The following RYR2 variants were observed in gnomAD, a reference collection of about 807,000 sequenced individuals.
RYR2 encodes the protein cardiac muscle ryanodine receptor-calcium release channel.
A neutral mutation model predicts 601.1 loss-of-function variants in RYR2; 227 were observed. The ratio of observed to expected loss-of-function variants is 0.38; its 90% CI spans 0.34 to 0.42. The LOEUF is 0.42. Ranked by LOEUF, RYR2 falls within the 10% of genes least tolerant of loss-of-function variation. The pLI, the probability that RYR2 is intolerant of heterozygous loss-of-function variation, is 1.00. For missense variants in RYR2, 4,646 were observed against 6,156.5 expected, an observed-to-expected ratio of 0.75 and a Z score of 8.21; for synonymous variants, 2,223 against 2,175.1, an observed-to-expected ratio of 1.02 and a Z score of -0.61.
chr1:237,442,110 C>T (rs899981487), intron 13 of RYR2, among the ~76,000 whole-genome samples: 1 of 152,196 alleles, frequency 6.6e-6, no homozygotes, highest in Non-Finnish European at 1.5e-5. Flanking sequence ...GCCCATGCAC[C>T]TGCTAACTTG....
In RYR2 at chr1:237,733,212, A is replaced by C. The variant is rs560809286; in HGVS notation, c.11040-493A>C. The stretch of plus-strand genomic sequence containing the variant: ...GGTGGAAACTTTTCTTCACGTAGTC[A>C]TGGTTTCCATGCTTCTCAAAAAGAA... On this transcript the variant is annotated intron_variant, in intron 78 of 104. Coordinates refer to ENST00000366574, the MANE Select transcript of RYR2 (RefSeq NM_001035.3). 9.2e-5 allele frequency among the ~76,000 whole-genome samples: 14 copies of C among 152,314 alleles called. No homozygotes were observed. In the East Asian group the frequency reaches 2.7e-3, roughly 29 times the overall value.
At chr1:237,720,436 A>T (rs1045716553) in intron 73 of RYR2, among the ~76,000 whole-genome samples, 3 of 152,232 alleles carry the variant, frequency 2.0e-5, no homozygotes, top group Non-Finnish European at 4.4e-5. Flanking sequence ...GTGAAGTTTG[A>T]TGTGTACTCA....
intron 1 of RYR2, among the ~76,000 whole-genome samples, chr1:237,161,644 C>G (rs1348323064): frequency 5.3e-5 from 8 of 152,108 alleles, no homozygotes; most frequent in Non-Finnish European, 1.5e-5. Flanking sequence ...TTTTGGCAGA[C>G]AGTGCTTTTC....
At chr1:237,266,011 C>A (rs969330776) in intron 1 of RYR2, among the ~76,000 whole-genome samples, 1 of 152,070 alleles carries the variant, frequency 6.6e-6, no homozygotes, top group African/African-American at 2.4e-5. Context: ...TTTGTTTCTT[C>A]ATGTTTGTTT....
At chr1:237,367,085 T>G (rs1312377133) in intron 5 of RYR2, among the ~76,000 whole-genome samples, 4 of 143,008 alleles carry the variant, frequency 2.8e-5, no homozygotes, top group African/African-American at 5.0e-5. Context: ...TTGTTTTGTT[T>G]TTGTTTTTTT....
intron 20 of RYR2, 119 bp from the exon 21 acceptor site, chr1:237,500,592 C>T: frequency 1.3e-6 from 1 of 743,750 alleles, no homozygotes; most frequent in Non-Finnish European, 2.2e-6. Context: ...AAGATTTATT[C>T]CTTCTGATGT....
intron 54 of RYR2, 35 bp downstream of exon 54, chr1:237,658,057 T>G (rs1683424027): frequency 8.4e-7 from 1 of 1,196,354 alleles, no homozygotes; most frequent in African/African-American, 1.6e-5. Context: ...TCAGTAGTCA[T>G]TATTAATGAC....
intron 1 of RYR2, among the ~76,000 whole-genome samples, chr1:237,181,223 A>G (rs1325228074): frequency 6.6e-6 from 1 of 152,126 alleles, no homozygotes; most frequent in Non-Finnish European, 1.5e-5. Flanking sequence ...ACCTCAAGTG[A>G]TCCGCCCTCC....
intron 2 of RYR2, among the ~76,000 whole-genome samples, chr1:237,301,508 A>T (rs913237511): frequency 5.3e-5 from 8 of 152,194 alleles, no homozygotes; most frequent in Non-Finnish European, 1.2e-4. Flanking sequence ...ATAAGAGTTC[A>T]AACAGTCACG....
intron 11 of RYR2, among the ~76,000 whole-genome samples, chr1:237,422,830 G>A (rs555282376): frequency 3.3e-5 from 5 of 152,242 alleles, no homozygotes; most frequent in African/African-American, 1.2e-4. Context: ...GGCGCTGTGT[G>A]GATGGTACGG....
intron 27 of RYR2, among the ~76,000 whole-genome samples, chr1:237,555,974 A>G (rs1670835521): frequency 6.6e-6 from 1 of 152,186 alleles, no homozygotes; most frequent in Non-Finnish European, 1.5e-5. Flanking sequence ...GGCATAAACT[A>G]TATTCAGTGA....
rs1296793203 is a variant in RYR2 at position 237,833,246 on chromosome 1, G to A, written c.*599G>A. On this transcript the variant is annotated 3_prime_UTR_variant, in exon 105 of 105. Transcript: ENST00000366574. Reference sequence around the variant, plus strand: ...TTTTTCCTTTAGTCTTTTCTTTAGTGGGGGAGGGTAAGAAAAGCAGTTTGC... The same window carrying A: ...TTTTTCCTTTAGTCTTTTCTTTAGTAGGGGAGGGTAAGAAAAGCAGTTTGC... The A allele has an allele frequency of 6.8e-6, 1 of 146,042 alleles. No individual in the cohort carries two copies. The highest frequency in any genetic ancestry group is 2.6e-5 in the African/African-American group (1 of 38,906). The allele number at this position is 146,042 out of a possible 1,614,324, so 9.0% of individuals were successfully genotyped here.
At chr1:237,042,619 A>G in intron 1 of RYR2, 50 bp downstream of exon 1, 1 of 1,248,358 alleles carries the variant, frequency 8.0e-7, no homozygotes, top group Non-Finnish European at 1.0e-6. Flanking sequence ...GCGTCAGGGC[A>G]TCCACTAGCG....
chr1:237,753,605 G>C (rs928519654), intron 80 of RYR2, among the ~76,000 whole-genome samples: 2 of 152,134 alleles, frequency 1.3e-5, no homozygotes, highest in African/African-American at 4.8e-5. Flanking sequence ...AGAATGTTTT[G>C]CCTAAGGGAA....
intron 1 of RYR2, among the ~76,000 whole-genome samples, chr1:237,197,436 T>A (rs1201228582): frequency 6.6e-6 from 1 of 152,264 alleles, no homozygotes; most frequent in Non-Finnish European, 1.5e-5. Context: ...TGTCTTAATA[T>A]CTTAATTGTA....
At chr1:237,445,920 G>A (rs1343251722) in intron 14 of RYR2, among the ~76,000 whole-genome samples, 1 of 151,984 alleles carries the variant, frequency 6.6e-6, no homozygotes, top group East Asian at 1.9e-4. Context: ...GGGTTCAAGC[G>A]ATTCTCCTCC....
intron 95 of RYR2, 79 bp downstream of exon 95, chr1:237,794,076 T>G (rs1263272888): frequency 2.3e-6 from 3 of 1,286,440 alleles, no homozygotes; most frequent in African/African-American, 3.0e-5. Context: ...TCCTGCAGAT[T>G]TGTCAAAAGT....
chr1:237,130,807 C>T (rs1018801145), intron 1 of RYR2, among the ~76,000 whole-genome samples: 3 of 152,112 alleles, frequency 2.0e-5, no homozygotes, highest in African/African-American at 4.8e-5. Flanking sequence ...AGAAAGATAA[C>T]ATCGCCATAT....
At chr1:237,733,834 CTG>C in intron 79 of RYR2, 78 bp downstream of exon 79, 1 of 980,290 alleles carries the variant, frequency 1.0e-6, no homozygotes, top group East Asian at 2.5e-5. Context: ...GGATAAGAAT[CTG>C]TGTATTTCAT....
Sources: allele counts gnomAD v4.1 joint callset (sites outside exome capture counted in the v4.1 genomes callset), GRCh38; gene constraint gnomAD v4.1.1; transcripts MANE v1.5; gene names NCBI Gene and HGNC (gene_info 2026-07-23, HGNC 2026-07-21).